FMN1: variants seen among roughly 807,000 people sequenced by gnomAD.
FMN1 encodes formin-1.
FMN1 carries 110 observed loss-of-function variants against 132.4 expected under a neutral mutation model. The ratio of observed to expected loss-of-function variants is 0.83; its 90% CI spans 0.71 to 0.97. The LOEUF is 0.97. Ranked by LOEUF, FMN1 falls within the 50% of genes least tolerant of loss-of-function variation. The pLI is 0.00. For synonymous variants in FMN1, 722 were observed against 651.7 expected, an observed-to-expected ratio of 1.11 and a Z score of -1.64; for missense variants, 1,792 against 1,705.3, an observed-to-expected ratio of 1.05 and a Z score of -0.90.
chr15:32,872,803 G>A (rs1448945246), intron 16 of FMN1, among the ~76,000 whole-genome samples: 2 of 152,138 alleles, frequency 1.3e-5, no homozygotes, highest in African/African-American at 4.8e-5. Flanking sequence ...TCTGACCTCT[G>A]AGCCCATGTT....
intron 5 of FMN1, among the ~76,000 whole-genome samples, chr15:33,087,840 TAC>T (rs933922015): frequency 2.6e-5 from 4 of 151,844 alleles, no homozygotes; most frequent in African/African-American, 7.3e-5. Context: ...TACATATACA[TAC>T]ACACACATAT....
At chr15:32,921,917 C>G (rs1418579379) in intron 10 of FMN1, among the ~76,000 whole-genome samples, 1 of 152,124 alleles carries the variant, frequency 6.6e-6, no homozygotes, top group Non-Finnish European at 1.5e-5. Flanking sequence ...AAGCAATCCA[C>G]CTGCCTTGGC....
chr15:32,941,906 C>T (rs1354773042), intron 9 of FMN1, among the ~76,000 whole-genome samples: 4 of 152,140 alleles, frequency 2.6e-5, no homozygotes, highest in Admixed American at 6.5e-5. Flanking sequence ...TTTATCTCCG[C>T]CCTATCTAGA....
At chr15:33,067,531 A>G (rs1368664516) in intron 5 of FMN1, 1 of 1,613,924 alleles carries the variant, frequency 6.2e-7, no homozygotes, top group Non-Finnish European at 8.5e-7. Context: ...GCAGCTCTTG[A>G]GCAAGGAGAG....
intron 9 of FMN1, among the ~76,000 whole-genome samples, chr15:32,958,704 T>A (rs2030136293): frequency 1.3e-5 from 2 of 152,196 alleles, no homozygotes; most frequent in South Asian, 4.1e-4. Flanking sequence ...ACTTCTGAAA[T>A]ACAAACGTGA....
chr15:32,901,856 T>A, intron 13 of FMN1, 55 bp downstream of exon 13: 2 of 1,506,150 alleles, frequency 1.3e-6, no homozygotes, highest in Non-Finnish European at 1.8e-6. Context: ...TCTCTCCCAC[T>A]TTCTTCTTTA....
intron 17 of FMN1, among the ~76,000 whole-genome samples, chr15:32,830,683 G>C (rs1311878149): frequency 3.9e-5 from 6 of 152,082 alleles, no homozygotes; most frequent in Non-Finnish European, 7.4e-5. Context: ...GTGCCACAGA[G>C]GTAACAGAAA....
At chr15:32,936,874 G>A (rs1454540317) in intron 9 of FMN1, among the ~76,000 whole-genome samples, 1 of 152,180 alleles carries the variant, frequency 6.6e-6, no homozygotes. Context: ...GTCCATGTGG[G>A]AGAAGCTGCT....
At chr15:32,927,376 C>T (rs1452989673) in intron 9 of FMN1, among the ~76,000 whole-genome samples, 4 of 152,118 alleles carry the variant, frequency 2.6e-5, no homozygotes, top group African/African-American at 7.2e-5. Context: ...TGCACCCTCA[C>T]GAGTAGCAAG....
chr15:33,003,281 G>A (rs2034219665), intron 7 of FMN1, among the ~76,000 whole-genome samples: 1 of 152,174 alleles, frequency 6.6e-6, no homozygotes, highest in Non-Finnish European at 1.5e-5. Flanking sequence ...CAGATGACGT[G>A]ATTGTGTATC....
intron 9 of FMN1, among the ~76,000 whole-genome samples, chr15:32,955,864 A>G (rs2061756208): frequency 6.6e-6 from 1 of 152,160 alleles, no homozygotes; most frequent in Non-Finnish European, 1.5e-5. Context: ...GTGAGAAAGG[A>G]ATTCCAGAAT....
intron 4 of FMN1, among the ~76,000 whole-genome samples, chr15:33,122,964 T>C (rs1033792210): frequency 6.6e-6 from 1 of 152,044 alleles, no homozygotes; most frequent in African/African-American, 2.4e-5. Flanking sequence ...CCTAACAATA[T>C]CCTGCTAGGT....
intron 4 of FMN1, among the ~76,000 whole-genome samples, chr15:33,122,592 T>C (rs917981916): frequency 5.9e-5 from 9 of 152,224 alleles, no homozygotes; most frequent in African/African-American, 2.2e-4. Flanking sequence ...ACAGTACCAC[T>C]AGCTAATGCA....
At chr15:33,161,865 A>C (rs1285216647) in intron 3 of FMN1, among the ~76,000 whole-genome samples, 1 of 151,598 alleles carries the variant, frequency 6.6e-6, no homozygotes, top group Non-Finnish European at 1.5e-5. Context: ...TTGCAATGAG[A>C]CGAGATCGTG....
At chr15:33,173,500 A>C (rs140889409) in intron 3 of FMN1, among the ~76,000 whole-genome samples, 220 of 152,342 alleles carry the variant, frequency 1.4e-3, no homozygotes, top group Middle Eastern at 6.8e-3. Flanking sequence ...TAAGAACTCA[A>C]AATGGTCATT....
chr15:32,931,888 G>A (rs1325293939), intron 9 of FMN1, among the ~76,000 whole-genome samples: 1 of 151,920 alleles, frequency 6.6e-6, no homozygotes, highest in Non-Finnish European at 1.5e-5. Flanking sequence ...TCCTTCTTTA[G>A]GTAATTTCCT....
rs192401164 is a variant in FMN1 at position 32,777,720 on chromosome 15, C to T, written c.4131-801G>A. Among the ~76,000 whole-genome samples the T allele has an allele frequency of 8.2e-4, 113 of 137,902 alleles. 8 individuals are homozygous for T. Among genetic ancestry groups the T allele is most frequent in the Non-Finnish European group, 1.1e-3 (75 of 65,398 alleles). The allele number at this position is 137,902 out of a possible 152,430, so 90.5% of individuals were successfully genotyped here. A position where few individuals can be genotyped will look rare whatever the true frequency, so the allele number is the denominator to read the frequency against. ...ATATAACACATTTACTTATATATTA[C>T]GTATAATATATAATACATTTACTTA... On this transcript the variant is annotated intron_variant, in intron 19 of 20. Transcript: ENST00000616417.
rs147546975 is a variant in FMN1, at chr15:32,802,153, T to C, written c.3980+2128A>G. ...TGATTTCTAATCCTATGTTTGGTTT[T>C]ATATAACTTTTTCATTTCATGCAAA... On this transcript the variant is annotated intron_variant, in intron 18 of 20. Transcript: ENST00000616417. Among the ~76,000 whole-genome samples the C allele has an allele frequency of 8.7e-3, 1,325 of 152,326 alleles. 18 individuals are homozygous for C. Among genetic ancestry groups the C allele is most frequent in the African/African-American group, 0.03 (1,264 of 41,570 alleles).
chr15:32,965,647 C>T (rs536049481), intron 8 of FMN1, among the ~76,000 whole-genome samples: 3 of 152,274 alleles, frequency 2.0e-5, no homozygotes, highest in East Asian at 3.9e-4. Context: ...CTCAGGTCTG[C>T]GTGTTCACAC....
Sources: allele counts gnomAD v4.1 joint callset (sites outside exome capture counted in the v4.1 genomes callset), GRCh38; gene constraint gnomAD v4.1.1; transcripts MANE v1.5; gene names NCBI Gene and HGNC (gene_info 2026-07-23, HGNC 2026-07-21).